Variants in ACTR8 observed in about 807,000 individuals in gnomAD.
The protein encoded by ACTR8 is actin-related protein 8.
Under a neutral mutation model 84.3 loss-of-function variants are expected in ACTR8, and 70 were observed. The observed-to-expected ratio is 0.83, with a 90% CI of 0.68 to 1.01. The LOEUF is 1.01. Among genes scored for constraint, ACTR8 ranks in the 50% least tolerant of loss-of-function variants. The probability of loss-of-function intolerance (pLI) is 0.00; values close to 1 mark genes in which losing one functional copy is unlikely to be tolerated. For synonymous variants in ACTR8, 268 were observed against 275.2 expected, an observed-to-expected ratio of 0.97 and a Z score of 0.26; for missense variants, 672 against 775.4, an observed-to-expected ratio of 0.87 and a Z score of 1.58.
At chr3:53,861,412 T>C in the ACTR8 span, 12 of 152,088 alleles carry the variant, frequency 7.9e-5, no homozygotes, top group African/African-American at 2.9e-4. Flanking sequence ...GTAAGGACCA[T>C]AGTCAAAAAA....
At chr3:53,873,695 T>G (rs1183951888) in intron 8 of ACTR8, among the ~76,000 whole-genome samples, 1 of 152,194 alleles carries the variant, frequency 6.6e-6, no homozygotes, top group Non-Finnish European at 1.5e-5. Flanking sequence ...AAAATCAAAC[T>G]TTTCCTGAGC....
rs553021988 is a variant in ACTR8 at position 53,870,635 on chromosome 3, A to G, written c.1568-490T>C. The stretch of plus-strand genomic sequence containing the variant: ...CATTGCACTCTAGCCTGGGCAATGG[A>G]GTGAGACTCTGAAAAATAAATAAAT... On this transcript the variant is annotated intron_variant, in intron 11 of 12. Coordinates refer to ENST00000335754, the MANE Select transcript of ACTR8 (RefSeq NM_022899.5). This position sits in a 1 kb window ranked among gnomAD's most constrained non-coding sequence, Gnocchi z 4.1. Among the ~76,000 whole-genome samples the G allele has an allele frequency of 6.7e-6, 1 of 149,522 alleles. No individual in the cohort carries two copies. Among genetic ancestry groups the G allele is most frequent in the African/African-American group, 2.4e-5 (1 of 41,352 alleles).
intron 1 of ACTR8, 147 bp downstream of exon 1, chr3:53,881,832 C>T: frequency 7.4e-7 from 1 of 1,350,582 alleles, no homozygotes; most frequent in Non-Finnish European, 1.0e-6. Flanking sequence ...CGCCACCACC[C>T]GGAAAAGAAC....
intron 2 of ACTR8, 25 bp from the exon 3 acceptor site, chr3:53,878,492 A>T (rs1462937354): frequency 7.3e-7 from 1 of 1,375,816 alleles, no homozygotes; most frequent in African/African-American, 1.4e-5. Context: ...AAAGATGAGC[A>T]GTACAAAGGA....
At position 53,870,120 on chromosome 3, in the gene ACTR8, C is replaced by T. The variant is rs753759066; in HGVS notation, c.1593G>A (p.Met531Ile). 6.2e-7 allele frequency: 1 copy of T among 1,613,634 alleles called. No homozygotes were observed. Among genetic ancestry groups the T allele is most frequent in the Non-Finnish European group, 8.5e-7 (1 of 1,179,590 alleles). The change falls in exon 12 of 13, where the codon ATG (methionine) becomes ATA (isoleucine). Residue 531 changes from methionine to isoleucine, a missense_variant. Physicochemically the swap from Met to Ile is conservative, Grantham distance 10. Transcript: ENST00000335754. This position sits in a 1 kb window ranked among gnomAD's most constrained non-coding sequence, Gnocchi z 4.1. ...CTCCCACCACTAGGATGGAGCTGTA[C>T]ATCTTCTTTTTGGTGTCGTCAGATG... ...CCSSDDTKKK[M>I]YSSILVVGGG...
In ACTR8 at chr3:53,880,060, A is replaced by G; in HGVS notation, c.173T>C (p.Leu58Ser). 1 of 1,614,190 alleles carries G rather than the reference A, an allele frequency of 6.2e-7. No individual in the cohort carries two copies. The highest frequency in any genetic ancestry group is 8.5e-7 in the Non-Finnish European group (1 of 1,180,004). ...AGTGTCTGTGGCTCGACCAATCCTT[A>G]AAGTTGTTGAACCTGGATGTATGAC... ...IIVIHPGSTT[L>S]RIGRATDTLP... is the part of the protein sequence containing the mutation. The change falls in exon 2 of 13, where the codon TTA becomes TCA. Residue 58 changes from leucine (L) to serine (S), a missense_variant. Leu to Ser is a moderately radical substitution (Grantham distance 145). Coordinates refer to ENST00000335754, the MANE Select transcript of ACTR8 (RefSeq NM_022899.5).
intron 12 of ACTR8, among the ~76,000 whole-genome samples, chr3:53,869,522 T>C (rs866836075): frequency 6.6e-6 from 1 of 152,178 alleles, no homozygotes; most frequent in South Asian, 2.1e-4. Flanking sequence ...TTTCCAGGAA[T>C]TGTCAGTGAG....
Position 53,880,097 on chromosome 3 carries a change from T to C in ACTR8, c.136A>G (p.Asn46Asp), listed in dbSNP as rs767975538. ...PESLQEQIQS[N>D]FIIVIHPGST... ...CCTGGATGTATGACAATGATGAAGTTGCTCTGGATTTGCTGCAGATATAAA... is the reference window on the plus strand; with the variant it reads ...CCTGGATGTATGACAATGATGAAGTCGCTCTGGATTTGCTGCAGATATAAA... Residue 46 changes from asparagine to aspartate, a missense_variant, in exon 2 of 13, where the codon AAC (asparagine) becomes GAC (aspartate). By Grantham distance (23) the Asn-to-Asp change is conservative. Transcript: ENST00000335754. The C allele has an allele frequency of 4.3e-6, 7 of 1,613,670 alleles. No individual in the cohort carries two copies. Among genetic ancestry groups the C allele is most frequent in the Non-Finnish European group, 5.9e-6 (7 of 1,179,722 alleles).
At chr3:53,873,165 G>C (rs755887094) in intron 8 of ACTR8, 38 bp from the exon 9 acceptor site, 1 of 1,512,308 alleles carries the variant, frequency 6.6e-7, no homozygotes, top group South Asian at 1.2e-5. Flanking sequence ...GAATCAGTAA[G>C]AATGCATGTA....
downstream of ACTR8, among the ~76,000 whole-genome samples, chr3:53,862,875 AATT>A (rs1172133255): frequency 6.6e-6 from 1 of 152,192 alleles, no homozygotes. Flanking sequence ...AAAAGCCAGA[AATT>A]ATGATGTCTT....
At position 53,873,170 on chromosome 3, in the gene ACTR8, C is replaced by G; in HGVS notation, c.1066-43G>C. The G allele has an allele frequency of 3.4e-6, 5 of 1,463,524 alleles. No homozygotes were observed. In the South Asian group the frequency reaches 5.9e-5, roughly 17 times the overall value. 90.7% of individuals were successfully genotyped at this position (1,463,524 alleles called of 1,614,324 possible). A position where few individuals can be genotyped will look rare whatever the true frequency, so the allele number is the denominator to read the frequency against. On this transcript the variant is annotated intron_variant, in intron 8 of 12. Coordinates refer to ENST00000335754, the MANE Select transcript of ACTR8 (RefSeq NM_022899.5). ...TGCTGTCAGTGAATCAGTAAGAATG[C>G]ATGTAAACTCTTCAAATTATGCTTC...
At position 53,874,234 on chromosome 3, in the gene ACTR8, C is replaced by G; in HGVS notation, c.1042G>C (p.Glu348Gln). The G allele has an allele frequency of 6.2e-7, 1 of 1,613,772 alleles. No homozygotes were observed. Among genetic ancestry groups the G allele is most frequent in the Non-Finnish European group, 8.5e-7 (1 of 1,179,886 alleles). Residue 348 changes from glutamate to glutamine, a missense_variant, in exon 8 of 13, where the codon GAA becomes CAA. Physicochemically the swap from Glu to Gln is conservative, Grantham distance 29 (BLOSUM62 2). Transcript: ENST00000335754. ...ACCTGATCTAAATGACAAAAAGTTT[C>G]TTTAAGGTGTTGCAGAAGAAGACAA... Reference protein sequence around the residue: ...MDCLLLQHLKETFCHLDQDIS... With the variant: ...MDCLLLQHLKQTFCHLDQDIS...
chr3:53,880,872 C>T (rs1437310952), intron 1 of ACTR8, among the ~76,000 whole-genome samples: 2 of 152,218 alleles, frequency 1.3e-5, no homozygotes, highest in Non-Finnish European at 2.9e-5. Flanking sequence ...GAAACCCTCC[C>T]TGACTGTCGG....
chr3:53,878,808 A>G (rs761668266), intron 2 of ACTR8, among the ~76,000 whole-genome samples: 40 of 152,324 alleles, frequency 2.6e-4, no homozygotes, highest in South Asian at 8.3e-4. Flanking sequence ...TGAAGAAGAG[A>G]GCAAGACCCT....
downstream of ACTR8, among the ~76,000 whole-genome samples, chr3:53,864,541 A>T (rs901100476): frequency 1.3e-5 from 2 of 152,186 alleles, no homozygotes; most frequent in Admixed American, 1.3e-4. Flanking sequence ...TCTCCAAAAA[A>T]AAAAAAGTTA....
At position 53,870,298 on chromosome 3, in the gene ACTR8, A is replaced by T. The variant is rs1699863807; in HGVS notation, c.1568-153T>A. 1 of 846,890 alleles carries T rather than the reference A, an allele frequency of 1.2e-6. No individual in the cohort carries two copies. Among genetic ancestry groups the T allele is most frequent in the Non-Finnish European group, 1.8e-6 (1 of 545,952 alleles). 52.5% of individuals were successfully genotyped at this position (846,890 alleles called of 1,614,324 possible). A position where few individuals can be genotyped will look rare whatever the true frequency, so the allele number is the denominator to read the frequency against. On this transcript the variant is annotated intron_variant, in intron 11 of 12. Coordinates refer to ENST00000335754, the MANE Select transcript of ACTR8 (RefSeq NM_022899.5). The surrounding 1 kb of genome is among the most constrained non-coding windows in gnomAD (Gnocchi z 4.1). ...ACACTGCAGCCAGGGGAACCCTACGAAACACAAATGTAGGCATGTTGCCAC... is the reference window on the plus strand; with the variant it reads ...ACACTGCAGCCAGGGGAACCCTACGTAACACAAATGTAGGCATGTTGCCAC...
At chr3:53,860,708 T>C in the ACTR8 span, 2 of 152,242 alleles carry the variant, frequency 1.3e-5, no homozygotes, top group Admixed American at 6.5e-5. Flanking sequence ...TTTTGGAGAT[T>C]TGTATCACTT....
the ACTR8 span, chr3:53,861,242 A>G: frequency 6.6e-6 from 1 of 152,228 alleles, no homozygotes; most frequent in African/African-American, 2.4e-5. Flanking sequence ...AAGTGCCACT[A>G]GTAATGCTGG....
downstream of ACTR8, among the ~76,000 whole-genome samples, chr3:53,862,902 ACT>A (rs1194545975): frequency 1.3e-5 from 2 of 152,130 alleles, no homozygotes; most frequent in Admixed American, 1.3e-4. Flanking sequence ...GTAAAGTTAC[ACT>A]GAGGCGCCCA....
Sources: allele counts gnomAD v4.1 joint callset (sites outside exome capture counted in the v4.1 genomes callset), GRCh38; gene constraint gnomAD v4.1.1; non-coding constraint Gnocchi (gnomAD v3.1); transcripts MANE v1.5; gene names NCBI Gene and HGNC (gene_info 2026-07-23, HGNC 2026-07-21).